Variants in SMG1 observed in about 807,000 individuals in gnomAD.
SMG1 encodes the protein serine/threonine-protein kinase SMG1.
In SMG1, 22 loss-of-function variants were observed where a neutral mutation model predicts 419.9. The observed-to-expected ratio is 0.05, with a 90% CI of 0.04 to 0.07. The LOEUF (loss-of-function observed/expected upper bound fraction) is 0.07, where lower values mean the gene tolerates loss of function less well. Among genes scored for constraint, SMG1 ranks in the 10% least tolerant of loss-of-function variants. The pLI, the probability that SMG1 is intolerant of heterozygous loss-of-function variation, is 1.00. For synonymous variants in SMG1, 1,538 were observed against 1,553.5 expected (o/e 0.99, Z 0.23); for missense variants, 3,185 against 4,342.0 (o/e 0.73, Z 7.49).
At position 18,926,152 on chromosome 16, in the gene SMG1, CGAGAAGGAG is replaced by C. The variant is rs1005234539; in HGVS notation, c.-120_-112del. 1.1e-6 allele frequency: 1 copy of C among 950,746 alleles called. No individual in the cohort carries two copies. The highest frequency in any genetic ancestry group is 1.9e-5 in the African/African-American group (1 of 52,128). 58.9% of individuals were successfully genotyped at this position (950,746 alleles called of 1,614,324 possible). ...TCCGGCCCGGGGCTGAGGAGGAAGC[CGAGAAGGAG>C]GAGGAGGAGGAGGAGGAGGAGAAGG... On this transcript the variant is annotated 5_prime_UTR_variant, in exon 1 of 63. Transcript: ENST00000446231.
At position 18,849,397 on chromosome 16, in the gene SMG1, GAA is replaced by G. The variant is rs1596516748; in HGVS notation, c.5462-21_5462-20del. The stretch of plus-strand genomic sequence containing the variant: ...ATAATTCCTTCAGGACAAGAAGAGA[GAA>G]AGACACTTTAAAGTTATTTAAAACT... On this transcript the variant is annotated intron_variant, in intron 35 of 62. Coordinates refer to ENST00000446231, the MANE Select transcript of SMG1 (RefSeq NM_015092.5). The G allele has an allele frequency of 1.3e-6, 2 of 1,598,448 alleles. No homozygotes were observed. The highest frequency in any genetic ancestry group is 1.7e-6 in the Non-Finnish European group (2 of 1,169,812).
intron 3 of SMG1, among the ~76,000 whole-genome samples, chr16:18,893,547 C>G (rs1393408325): frequency 1.3e-5 from 2 of 151,808 alleles, no homozygotes; most frequent in Non-Finnish European, 2.9e-5. Flanking sequence ...ATCGCTTTAG[C>G]CTGGGAAGCG....
chr16:18,847,964 T>C lies in SMG1; in HGVS notation c.5693A>G (p.Glu1898Gly), dbSNP rs1334157553. 1 of 1,613,868 alleles carries C rather than the reference T, an allele frequency of 6.2e-7. No homozygotes were observed. The highest frequency in any genetic ancestry group is 8.5e-7 in the Non-Finnish European group (1 of 1,179,886). The change falls in exon 37 of 63, where the codon GAA becomes GGA. Residue 1898 changes from glutamate to glycine, a missense_variant. Glu to Gly is a moderately conservative substitution (Grantham distance 98). Around this residue, in one of 27 missense-constraint regions of SMG1, gnomAD observed 130 missense variants for 162.0 expected, o/e 0.80. Coordinates refer to ENST00000446231, the MANE Select transcript of SMG1 (RefSeq NM_015092.5). ...NIQGEELLVS[E>G]CEGGSPPASQ... ...TGCAGGAGGACTTCCTCCCTCACAT[T>C]CAGAAACCAGCAATTCTTCTCCTTG...
chr16:18,899,926 C>T (rs2037281374), intron 1 of SMG1: 2 of 816,774 alleles, frequency 2.4e-6, no homozygotes, highest in East Asian at 5.3e-5. Context: ...CCACAACGAT[C>T]AAACTGAAGT....
chr16:18,916,192 A>C (rs2037970820), intron 1 of SMG1, among the ~76,000 whole-genome samples: 2 of 151,474 alleles, frequency 1.3e-5, no homozygotes, highest in Admixed American at 1.3e-4. Context: ...AAAAAGGAAA[A>C]GTACACTTGA....
In SMG1 at chr16:18,830,310, G is replaced by A; in HGVS notation, c.8852C>T (p.Thr2951Ile). The part of the protein sequence containing the change: ...IQPRNGSVDE[T>I]PKMSAGQMLL... Reference sequence around the variant, plus strand: ...CATCTGGCCAGCTGACATTTTGGGTGTTTCATCAACTGAACCATTTCTCGG... The same window carrying A: ...CATCTGGCCAGCTGACATTTTGGGTATTTCATCAACTGAACCATTTCTCGG... Residue 2951 changes from threonine to isoleucine, a missense_variant, in exon 52 of 63, where the codon ACA (threonine) becomes ATA (isoleucine). Around this residue, in one of 27 missense-constraint regions of SMG1, gnomAD observed 737 missense variants for 846.6 expected, o/e 0.87. Transcript: ENST00000446231. 6.2e-7 allele frequency: 1 copy of A among 1,613,932 alleles called. No individual in the cohort carries two copies. Among genetic ancestry groups the A allele is most frequent in the Non-Finnish European group, 8.5e-7 (1 of 1,179,882 alleles).
chr16:18,853,900 C>A (rs572184310), intron 30 of SMG1, 33 bp from the exon 31 acceptor site: 1 of 1,560,910 alleles, frequency 6.4e-7, no homozygotes, highest in Non-Finnish European at 8.7e-7. Context: ...AACTTAGAAC[C>A]TTTAAAAGCA....
rs769867785 is a variant in SMG1 at position 18,882,308 on chromosome 16, C to T, written c.1150G>A (p.Val384Met). The change falls in exon 10 of 63, where the codon GTG becomes ATG. Residue 384 changes from valine (V) to methionine (M), a missense_variant. By Grantham distance (21) the Val-to-Met change is conservative. This residue lies in a region of SMG1 where 52 missense variants were observed against 69.0 expected (regional missense o/e 0.75). Coordinates refer to ENST00000446231, the MANE Select transcript of SMG1 (RefSeq NM_015092.5). ...DLSHVASGES[V>M]DEDVPPPSVS... ...GATGGAGGAGGGACATCTTCATCCA[C>T]TGATTCCCCAGAGGCCACATGGCTG... 4 of 1,609,014 alleles carry T rather than the reference C, an allele frequency of 2.5e-6. No individual in the cohort carries two copies. In the South Asian group the frequency reaches 4.4e-5, roughly 18 times the overall value.
At chr16:18,856,594 T>A (rs2034925478) in intron 29 of SMG1, 1 of 152,028 alleles carries the variant, frequency 6.6e-6, no homozygotes, top group Non-Finnish European at 1.5e-5. Context: ...CCCGTCAGCA[T>A]CTCAAAGTGC....
chr16:18,849,903 C>T (rs748856396), intron 35 of SMG1, 46 bp downstream of exon 35: 1 of 1,565,568 alleles, frequency 6.4e-7, no homozygotes, highest in South Asian at 1.2e-5. Flanking sequence ...TCTTATATAT[C>T]CTAGTGAGAA....
In SMG1 at chr16:18,869,152, G is replaced by A. The variant is rs1346862207; in HGVS notation, c.2785C>T (p.Leu929=). The change falls in exon 20 of 63, where the codon CTG becomes TTG. Residue 929 remains leucine, a synonymous_variant. Coordinates refer to ENST00000446231, the MANE Select transcript of SMG1 (RefSeq NM_015092.5). The stretch of plus-strand genomic sequence containing the variant: ...TGAGCTCTGCCCAGTGGGGTTCTCA[G>A]CTTAGAAAGAACAGTGAATTGTGCA... ...EAAQFTVLSK[L]RTPLGRAQDT... is the part of the protein sequence containing the mutation. The A allele has an allele frequency of 7.4e-6, 12 of 1,611,582 alleles. No individual in the cohort carries two copies. The highest frequency in any genetic ancestry group is 4.0e-5 in the African/African-American group (3 of 74,838).
In SMG1 at chr16:18,882,133, G is replaced by C. The variant is rs1028340793; in HGVS notation, c.1293+32C>G. The C allele has an allele frequency of 1.0e-5, 15 of 1,461,136 alleles. No homozygotes were observed. The African/African-American group carries it at 1.8e-4, about 18-fold the overall frequency. The allele number at this position is 1,461,136 out of a possible 1,614,324, so 90.5% of individuals were successfully genotyped here. On this transcript the variant is annotated intron_variant, in intron 10 of 62. Transcript: ENST00000446231. ...TACAGTGTAAAACAATTTTATTTTT[G>C]AATGACACTTGAAATGCCCAAAAGC... is the stretch of plus-strand genomic sequence containing the variant.
chr16:18,843,950 T>C (rs921167542), intron 39 of SMG1, among the ~76,000 whole-genome samples: 1 of 152,148 alleles, frequency 6.6e-6, no homozygotes, highest in African/African-American at 2.4e-5. Context: ...CAGGTATTCT[T>C]AATTTTTAAA....
At chr16:18,849,094 A>G in intron 36 of SMG1, 123 bp downstream of exon 36, 1 of 251,024 alleles carries the variant, frequency 4.0e-6, no homozygotes, top group Non-Finnish European at 7.1e-6. Context: ...AAAAAAAAAA[A>G]AAAAAAAAAA....
intron 51 of SMG1, among the ~76,000 whole-genome samples, chr16:18,832,372 G>T (rs1004899411): frequency 6.6e-6 from 1 of 152,134 alleles, no homozygotes; most frequent in Non-Finnish European, 1.5e-5. Flanking sequence ...TATCCAATTA[G>T]CTAAAACAAA....
Position 18,816,314 on chromosome 16 carries a change from T to C in SMG1, c.10290A>G (p.Lys3430=). The C allele has an allele frequency of 6.2e-7, 1 of 1,613,666 alleles. No homozygotes were observed. The highest frequency in any genetic ancestry group is 8.5e-7 in the Non-Finnish European group (1 of 1,179,672). The part of the protein sequence containing the change: ...RQLGDVKHLL[K]AMAKDEEAAL... ...GTATTAGTCTTACCTTAGCCATAGC[T>C]TTCAAGAGATGTTTGACATCTCCAA... is the stretch of plus-strand genomic sequence containing the variant. The change falls in exon 58 of 63, where the codon AAA becomes AAG. Residue 3430 remains lysine (K), a synonymous_variant. Coordinates refer to ENST00000446231, the MANE Select transcript of SMG1 (RefSeq NM_015092.5).
rs1221037207 is a variant in SMG1, at chr16:18,869,297, G to T, written c.2640C>A (p.Asp880Glu). 4 of 1,608,604 alleles carry T rather than the reference G, an allele frequency of 2.5e-6. No homozygotes were observed. In the Admixed American group the frequency reaches 6.7e-5, roughly 27 times the overall value. The stretch of plus-strand genomic sequence containing the variant: ...TATAGAACAGTCTTTCCAACCAATT[G>T]TCCTTCCTGGGAAAAGCAGTTTCAT... ...LYGNSHRTGK[D>E]NWLERLFYSC... The change falls in exon 20 of 63, where the codon GAC becomes GAA. Residue 880 changes from aspartate to glutamate, a missense_variant. Transcript: ENST00000446231.
chr16:18,832,862 CGTTA>C, intron 51 of SMG1, 74 bp downstream of exon 51: 1 of 1,265,184 alleles, frequency 7.9e-7, no homozygotes, highest in Non-Finnish European at 1.1e-6. Context: ...AGTAAACTTA[CGTTA>C]AAGAGCTCAG....
At chr16:18,860,081 G>A (rs1320669978) in intron 26 of SMG1, among the ~76,000 whole-genome samples, 3 of 152,232 alleles carry the variant, frequency 2.0e-5, no homozygotes, top group East Asian at 1.9e-4. Flanking sequence ...ACCTGGGCAC[G>A]GTGGCAGACA....
Sources: allele counts gnomAD v4.1 joint callset (sites outside exome capture counted in the v4.1 genomes callset), GRCh38; gene constraint gnomAD v4.1.1; regional missense constraint gnomAD v4.1.1; transcripts MANE v1.5; gene names NCBI Gene and HGNC (gene_info 2026-07-23, HGNC 2026-07-21).